The following AHNAK variants were observed in gnomAD, a reference collection of about 807,000 sequenced individuals.
The protein encoded by AHNAK is neuroblast differentiation-associated protein AHNAK.
A neutral mutation model predicts 37.8 loss-of-function variants in AHNAK; 23 were observed. The observed-to-expected ratio is 0.61, with a 90% CI of 0.44 to 0.86. AHNAK has a LOEUF of 0.86. Among genes scored for constraint, AHNAK ranks in the 40% least tolerant of loss-of-function variants. The pLI is 0.00. For synonymous variants in AHNAK, 2,481 were observed against 2,636.3 expected (o/e 0.94, Z 1.80); for missense variants, 7,411 against 7,319.4 (o/e 1.01, Z -0.46).
At chr11:62,474,247 C>T (rs1216764306) in intron 5 of AHNAK, among the ~76,000 whole-genome samples, 10 of 150,668 alleles carry the variant, frequency 6.6e-5, no homozygotes, top group East Asian at 3.9e-4. Flanking sequence ...TGCAGTGGCA[C>T]GATCTTGGCT....
chr11:62,449,471 C>T (rs1938488514), intron 5 of AHNAK, among the ~76,000 whole-genome samples: 2 of 152,178 alleles, frequency 1.3e-5, no homozygotes, highest in Admixed American at 1.3e-4. Context: ...GTCACCCAGG[C>T]CTGAGCTGGA....
intron 1 of AHNAK, among the ~76,000 whole-genome samples, chr11:62,542,827 G>C (rs555812321): frequency 1.3e-5 from 2 of 152,206 alleles, no homozygotes; most frequent in African/African-American, 4.8e-5. Flanking sequence ...TATAGGAGAG[G>C]GGGTGGAGCA....
chr11:62,487,661 A>C (rs932948050), intron 5 of AHNAK, among the ~76,000 whole-genome samples: 139 of 152,318 alleles, frequency 9.1e-4, no homozygotes, highest in African/African-American at 3.3e-3. Flanking sequence ...TCTCAACTGC[A>C]CAGACTTGTC....
intron 5 of AHNAK, among the ~76,000 whole-genome samples, chr11:62,480,056 G>T (rs1939234411): frequency 6.6e-6 from 1 of 152,086 alleles, no homozygotes; most frequent in African/African-American, 2.4e-5. Flanking sequence ...CAGGAGGGTA[G>T]CAGGCAGAGC....
intron 5 of AHNAK, among the ~76,000 whole-genome samples, chr11:62,447,229 C>T (rs112079071): frequency 1.6e-3 from 240 of 152,288 alleles, no homozygotes; most frequent in African/African-American, 5.7e-3. Context: ...AGGCATTTCC[C>T]TCCCCTTGGC....
At position 62,451,783 on chromosome 11, in the gene AHNAK, A is replaced by G. The variant is rs542286673; in HGVS notation, c.443-17892T>C. Among the ~76,000 whole-genome samples, 81 of 150,776 alleles carry G rather than the reference A, an allele frequency of 5.4e-4. No individual in the cohort carries two copies. The East Asian group carries it at 5.5e-3, about 10-fold the overall frequency. Reference sequence around the variant, plus strand: ...AATCTCATAGGATAGATGGCACTTCAGAGCTCGTAACAACTAGCAAACTAA... The same window carrying G: ...AATCTCATAGGATAGATGGCACTTCGGAGCTCGTAACAACTAGCAAACTAA... On this transcript the variant is annotated intron_variant, in intron 5 of 5. Transcript: ENST00000257247.
At chr11:62,508,779 T>C (rs1939857383) in intron 4 of AHNAK, among the ~76,000 whole-genome samples, 1 of 152,242 alleles carries the variant, frequency 6.6e-6, no homozygotes, top group South Asian at 2.1e-4. Flanking sequence ...CAGGCATTCA[T>C]GCATGGAATT....
intron 4 of AHNAK, among the ~76,000 whole-genome samples, chr11:62,534,433 C>T (rs1169482248): frequency 1.3e-5 from 2 of 152,242 alleles, no homozygotes; most frequent in African/African-American, 4.8e-5. Context: ...TCTCAAGCCA[C>T]TGGCTTGTTT....
Position 62,530,455 on chromosome 11 carries a change from G to A in AHNAK, c.3962C>T (p.Pro1321Leu). Residue 1321 changes from proline to leucine, a missense_variant, in exon 5 of 5, where the codon CCC becomes CTC. Coordinates refer to ENST00000378024, the MANE Select transcript of AHNAK (RefSeq NM_001620.3). Reference protein sequence around the residue: ...FKMPEMHFKAPKISMPDVDLN... With the variant: ...FKMPEMHFKALKISMPDVDLN... ...GTCCACATCAGGCATGGAGATCTTG[G>A]GGGCCTTGAAGTGCATCTCAGGCAT... The A allele has an allele frequency of 6.2e-7, 1 of 1,613,750 alleles. No individual in the cohort carries two copies. Among genetic ancestry groups the A allele is most frequent in the Non-Finnish European group, 8.5e-7 (1 of 1,179,966 alleles).
chr11:62,450,280 C>T (rs577908387), intron 5 of AHNAK, among the ~76,000 whole-genome samples: 1 of 152,102 alleles, frequency 6.6e-6, no homozygotes, highest in South Asian at 2.1e-4. Context: ...GCCTCAGCCT[C>T]CCAAGTAGCT....
Position 62,526,818 on chromosome 11 carries a change from G to A in AHNAK, c.7599C>T (p.Asn2533=). The change falls in exon 5 of 5, where the codon AAC becomes AAT. Residue 2533 remains asparagine (N), a synonymous_variant. Transcript: ENST00000378024. ...FKAEGPEVDV[N]LPKADVDISG... ...AGATGTCAACGTCAGCCTTAGGCAA[G>A]TTGACGTCTACTTCAGGGCCCTCTG... 1 of 1,612,246 alleles carries A rather than the reference G, an allele frequency of 6.2e-7. No homozygotes were observed.
chr11:62,433,992 TC>T, intron 5 of AHNAK: 3 of 1,427,414 alleles, frequency 2.1e-6, no homozygotes, highest in Non-Finnish European at 1.9e-6. Context: ...TGAAAGAAGG[TC>T]CCCCCACTCC....
rs1941322107 is a variant in AHNAK at position 62,546,665 on chromosome 11, G to A, written c.-105C>T. 1 of 152,268 alleles carries A rather than the reference G, an allele frequency of 6.6e-6. No individual in the cohort carries two copies. Among genetic ancestry groups the A allele is most frequent in the Non-Finnish European group, 1.5e-5 (1 of 68,078 alleles). 9.4% of individuals were successfully genotyped at this position (152,268 alleles called of 1,614,324 possible). ...GGTGCGCCTGGCGCCCCTACCTGAG[G>A]GCTCAGCCCCAGGGCACGGCCATAG... On this transcript the variant is annotated 5_prime_UTR_variant, in exon 1 of 5. Coordinates refer to ENST00000378024, the MANE Select transcript of AHNAK (RefSeq NM_001620.3).
Position 62,530,018 on chromosome 11 carries a change from C to T in AHNAK, c.4399G>A (p.Gly1467Arg). The T allele has an allele frequency of 6.2e-7, 1 of 1,614,096 alleles. No individual in the cohort carries two copies. The highest frequency in any genetic ancestry group is 8.5e-7 in the Non-Finnish European group (1 of 1,180,038). ...TTTGGAACTGTTACATCATAATCTCCTTTCATTTTAGGACCTTTCAAATGC... is the reference window on the plus strand; with the variant it reads ...TTTGGAACTGTTACATCATAATCTCTTTTCATTTTAGGACCTTTCAAATGC... ...GLHLKGPKMKGDYDVTVPKVE... is the reference protein window; with the variant it reads ...GLHLKGPKMKRDYDVTVPKVE... The change falls in exon 5 of 5, where the codon GGA (glycine) becomes AGA (arginine). Residue 1467 changes from glycine to arginine, a missense_variant. Transcript: ENST00000378024.
Position 62,484,072 on chromosome 11 carries a change from G to C in AHNAK, c.442+7660C>G, listed in dbSNP as rs568613659. Among the ~76,000 whole-genome samples, 10 of 147,922 alleles carry C rather than the reference G, an allele frequency of 6.8e-5. No individual in the cohort carries two copies. The East Asian group carries it at 1.6e-3, about 24-fold the overall frequency. ...AAAAAAAAAAGAAAGGGCATGCATA[G>C]AGCAGTGTTCAAAAGAAGGGATGGC... On this transcript the variant is annotated intron_variant, in intron 5 of 5. Transcript: ENST00000257247.
Position 62,531,996 on chromosome 11 carries a change from C to T in AHNAK, c.2421G>A (p.Lys807=). The T allele has an allele frequency of 6.2e-7, 1 of 1,614,086 alleles. No homozygotes were observed. Among genetic ancestry groups the T allele is most frequent in the South Asian group, 1.1e-5 (1 of 91,082 alleles). The change falls in exon 5 of 5, where the codon AAG becomes AAA. Residue 807 remains lysine (K), a synonymous_variant. Transcript: ENST00000378024. ...GGACTTTGATGTTCATCTCAGGCAT[C>T]TTAAACTTGGGCCCTTTCAATTTCC... is the stretch of plus-strand genomic sequence containing the variant. ...PEGKLKGPKF[K]MPEMNIKVPK...
chr11:62,516,495 T>G lies in AHNAK; in HGVS notation c.*249A>C. ...GTCAATGCAAAAAAATATATATATATGAAATCTTAAGGCAAATACTGTTGA... is the reference window on the plus strand; with the variant it reads ...GTCAATGCAAAAAAATATATATATAGGAAATCTTAAGGCAAATACTGTTGA... On this transcript the variant is annotated 3_prime_UTR_variant, in exon 5 of 5. Coordinates refer to ENST00000378024, the MANE Select transcript of AHNAK (RefSeq NM_001620.3). The G allele has an allele frequency of 7.3e-7, 1 of 1,364,128 alleles. No homozygotes were observed. Among genetic ancestry groups the G allele is most frequent in the South Asian group, 1.6e-5 (1 of 61,250 alleles). 84.5% of individuals were successfully genotyped at this position (1,364,128 alleles called of 1,614,324 possible).
intron 5 of AHNAK, among the ~76,000 whole-genome samples, chr11:62,448,824 C>T (rs991669676): frequency 6.6e-6 from 1 of 152,192 alleles, no homozygotes; most frequent in Non-Finnish European, 1.5e-5. Flanking sequence ...AATCCCAGCA[C>T]TTTGGGAGGC....
chr11:62,507,387 A>G (rs1339601413), intron 4 of AHNAK, among the ~76,000 whole-genome samples: 1 of 152,262 alleles, frequency 6.6e-6, no homozygotes, highest in Non-Finnish European at 1.5e-5. Context: ...CTAAGAGTAT[A>G]TAAGAATAGC....
Sources: gnomAD v4.1 joint callset for allele counts (sites outside exome capture counted in the v4.1 genomes callset) on GRCh38, gnomAD v4.1.1 for gene constraint, MANE v1.5 for transcripts, NCBI Gene and HGNC (gene_info 2026-07-23, HGNC 2026-07-21) for gene names.